The following OSBPL10 variants were observed in gnomAD, a reference collection of about 807,000 sequenced individuals.
OSBPL10 encodes oxysterol binding protein like 10, also known as oxysterol-binding protein-related protein 10.
A neutral mutation model predicts 81.7 loss-of-function variants in OSBPL10; 49 were observed. The ratio of observed to expected loss-of-function variants is 0.60; its 90% CI spans 0.48 to 0.76. The LOEUF is 0.76. OSBPL10 is among the 30% of genes least tolerant of loss of function. The probability of loss-of-function intolerance (pLI) is 0.00; values close to 1 mark genes in which losing one functional copy is unlikely to be tolerated. For synonymous variants in OSBPL10, 419 were observed against 383.6 expected (o/e 1.09, Z -1.08); for missense variants, 923 against 987.8 (o/e 0.93, Z 0.88).
intron 1 of OSBPL10, among the ~76,000 whole-genome samples, chr3:31,961,510 T>A (rs566437576): frequency 2.4e-4 from 36 of 152,338 alleles, no homozygotes; most frequent in Non-Finnish European, 4.0e-4. Flanking sequence ...AACTGCTCTA[T>A]TTAGAGAGTG....
chr3:31,997,209 CA>C (rs1170910360), intron 2 of OSBPL10, among the ~76,000 whole-genome samples: 1 of 151,894 alleles, frequency 6.6e-6, no homozygotes, highest in Admixed American at 6.6e-5. Context: ...ATTACAATGT[CA>C]ATAGGCAGTG....
intron 1 of OSBPL10, among the ~76,000 whole-genome samples, chr3:31,964,216 C>G (rs9845645): frequency 0.47 from 71,277 of 151,928 alleles, 20,391 homozygotes; most frequent in African/African-American, 0.78. Flanking sequence ...GAGTACAGTG[C>G]CTTAATCTAG....
intron 1 of OSBPL10, among the ~76,000 whole-genome samples, chr3:31,885,995 C>CAAA (rs397957994): frequency 3.2e-4 from 20 of 62,506 alleles, no homozygotes; most frequent in African/African-American, 9.4e-4. Flanking sequence ...AACTCCATCT[C>CAAA]AAAAAAAAAA....
chr3:32,077,523 C>A (rs979563637), exon 1 of OSBPL10: 1 of 152,138 alleles, frequency 6.6e-6, no homozygotes, highest in Non-Finnish European at 1.5e-5. Context: ...TGGGCATGCA[C>A]ATTAAAAGAG....
intron 6 of OSBPL10, chr3:31,704,871 G>C (rs1575488093): frequency 6.6e-6 from 1 of 152,396 alleles, no homozygotes; most frequent in Non-Finnish European, 1.5e-5. Context: ...CTAGTAGCCA[G>C]AAAGTCTTCC....
chr3:31,900,685 A>G (rs992010810), intron 1 of OSBPL10, among the ~76,000 whole-genome samples: 1 of 152,240 alleles, frequency 6.6e-6, no homozygotes, highest in East Asian at 1.9e-4. Flanking sequence ...GATTGCATCA[A>G]TGTTAGATTT....
At chr3:31,886,375 A>G (rs1695736185) in intron 1 of OSBPL10, among the ~76,000 whole-genome samples, 1 of 152,100 alleles carries the variant, frequency 6.6e-6, no homozygotes, top group East Asian at 1.9e-4. Context: ...CTGCCACACA[A>G]GATGGTCAAG....
At chr3:31,797,860 G>C (rs1371911785) in intron 4 of OSBPL10, 4 of 452,852 alleles carry the variant, frequency 8.8e-6, no homozygotes, top group Admixed American at 7.1e-5. Flanking sequence ...ATGGGGATGG[G>C]GGGGTGAATG....
intron 2 of OSBPL10, chr3:31,988,945 G>A: frequency 8.6e-7 from 1 of 1,157,796 alleles, no homozygotes; most frequent in South Asian, 1.6e-5. Context: ...GCGACTGTGA[G>A]ATAATCAGTG....
intron 1 of OSBPL10, among the ~76,000 whole-genome samples, chr3:32,060,425 TG>T (rs1490164843): frequency 5.9e-5 from 9 of 152,320 alleles, no homozygotes; most frequent in East Asian, 3.9e-4. Context: ...CTCAACTTCT[TG>T]TCCTTTCTTA....
chr3:31,975,752 G>A (rs73823916), intron 1 of OSBPL10, among the ~76,000 whole-genome samples: 4,706 of 152,198 alleles, frequency 0.031, 237 homozygotes, highest in African/African-American at 0.11. Flanking sequence ...AGCTAACACT[G>A]GCTCAAATAG....
intron 3 of OSBPL10, among the ~76,000 whole-genome samples, chr3:31,846,363 C>T (rs1700631587): frequency 6.6e-6 from 1 of 152,118 alleles, no homozygotes; most frequent in Non-Finnish European, 1.5e-5. Context: ...GTGACTCATG[C>T]CTGTAATCCC....
intron 4 of OSBPL10, among the ~76,000 whole-genome samples, chr3:31,754,424 T>C (rs925472867): frequency 6.6e-6 from 1 of 151,860 alleles, no homozygotes; most frequent in African/African-American, 2.4e-5. Flanking sequence ...CCAGCTCCAG[T>C]GGAGAGAGGG....
At chr3:31,966,776 G>A (rs2125481129) in intron 1 of OSBPL10, among the ~76,000 whole-genome samples, 1 of 152,158 alleles carries the variant, frequency 6.6e-6, no homozygotes, top group Admixed American at 6.5e-5. Flanking sequence ...ATTTAAAAAT[G>A]GGCAAAAGAC....
At chr3:31,825,070 G>A (rs1700069042) in intron 4 of OSBPL10, among the ~76,000 whole-genome samples, 1 of 152,154 alleles carries the variant, frequency 6.6e-6, no homozygotes. Flanking sequence ...GCAGGAAGCT[G>A]GGCTTGTGGG....
intron 4 of OSBPL10, among the ~76,000 whole-genome samples, chr3:31,801,248 T>C (rs1272510591): frequency 6.6e-6 from 1 of 152,214 alleles, no homozygotes; most frequent in Non-Finnish European, 1.5e-5. Context: ...ATCTCCATGA[T>C]ATGGTGACAT....
At position 32,032,134 on chromosome 3, in the gene OSBPL10, A is replaced by G. The variant is rs115894102; in HGVS notation, n.298+14357T>C. ...GACCCCATCTCTATTTTAAAAATAA[A>G]TAGGCCAGGCATGAAAGCTCATGCC... On this transcript the variant is annotated intron_variant and non_coding_transcript_variant, in intron 2 of 3. Transcript: ENST00000479173. Among the ~76,000 whole-genome samples, 354 of 152,242 alleles carry G rather than the reference A, an allele frequency of 2.3e-3. 5 individuals carry two copies. The highest frequency in any genetic ancestry group is 7.8e-3 in the African/African-American group (325 of 41,558).
chr3:31,953,938 G>A (rs1245117077), intron 1 of OSBPL10, among the ~76,000 whole-genome samples: 1 of 152,220 alleles, frequency 6.6e-6, no homozygotes, highest in Non-Finnish European at 1.5e-5. Context: ...CCATCAGAGA[G>A]TTCAGCAGCT....
At chr3:31,789,724 G>A (rs1322227563) in intron 4 of OSBPL10, among the ~76,000 whole-genome samples, 2 of 152,244 alleles carry the variant, frequency 1.3e-5, no homozygotes, top group Admixed American at 6.5e-5. Context: ...AGGCCACATC[G>A]TAGGAGGACC....
Sources: gnomAD v4.1 joint callset for allele counts (sites outside exome capture counted in the v4.1 genomes callset) on GRCh38, gnomAD v4.1.1 for gene constraint, MANE v1.5 for transcripts, NCBI Gene and HGNC (gene_info 2026-07-23, HGNC 2026-07-21) for gene names.